Variants in CDH4 observed in about 807,000 individuals in gnomAD.
CDH4 encodes cadherin 4, also known as cadherin-4.
In CDH4, 33 loss-of-function variants were observed where a neutral mutation model predicts 86.0. The ratio of observed to expected loss-of-function variants is 0.38; its 90% CI spans 0.29 to 0.51. CDH4 has a LOEUF of 0.51. Among genes scored for constraint, CDH4 ranks in the 20% least tolerant of loss-of-function variants. The pLI is 0.86. For synonymous variants in CDH4, 555 were observed against 549.4 expected, an observed-to-expected ratio of 1.01 and a Z score of -0.14; for missense variants, 1,114 against 1,307.4, an observed-to-expected ratio of 0.85 and a Z score of 2.28.
chr20:61,727,367 T>C (rs2088128360), intron 2 of CDH4, among the ~76,000 whole-genome samples: 1 of 151,658 alleles, frequency 6.6e-6, no homozygotes, highest in Non-Finnish European at 1.5e-5. Context: ...ACCATCATCA[T>C]CAGTGCCATC....
intron 7 of CDH4, among the ~76,000 whole-genome samples, chr20:61,888,859 A>G (rs1350227853): frequency 1.3e-5 from 2 of 151,804 alleles, no homozygotes; most frequent in Non-Finnish European, 2.9e-5. Context: ...TGGGGAGGTC[A>G]TGGGACTGCC....
chr20:61,846,861 G>A (rs1600707666), intron 5 of CDH4, among the ~76,000 whole-genome samples: 2 of 151,964 alleles, frequency 1.3e-5, no homozygotes, highest in South Asian at 4.2e-4. Flanking sequence ...GGCATCCAAG[G>A]GGCACCAGGA....
chr20:61,589,206 T>A (rs1307959043), intron 2 of CDH4, among the ~76,000 whole-genome samples: 1 of 152,204 alleles, frequency 6.6e-6, no homozygotes. Context: ...CAAATAGGCT[T>A]CCCAGAGTGA....
intron 2 of CDH4, among the ~76,000 whole-genome samples, chr20:61,521,903 C>T (rs765006923): frequency 3.4e-4 from 52 of 152,168 alleles, no homozygotes; most frequent in Admixed American, 8.5e-4. Context: ...GCAAGCATTG[C>T]GGGCCACCTT....
At chr20:61,664,617 C>T (rs2087302324) in intron 2 of CDH4, among the ~76,000 whole-genome samples, 1 of 152,244 alleles carries the variant, frequency 6.6e-6, no homozygotes, top group Non-Finnish European at 1.5e-5. Flanking sequence ...AAGACCCTCA[C>T]ACGAACACTT....
intron 3 of CDH4, among the ~76,000 whole-genome samples, chr20:61,757,235 C>CA (rs2088576070): frequency 2.1e-5 from 2 of 93,054 alleles, no homozygotes. Flanking sequence ...GAACACAGAC[C>CA]CCCCCCCCAG....
intron 2 of CDH4, among the ~76,000 whole-genome samples, chr20:61,691,865 CCTGT>C (rs1011992638): frequency 2.0e-5 from 3 of 150,508 alleles, no homozygotes; most frequent in Admixed American, 1.3e-4. Context: ...GTATCGCACA[CCTGT>C]CTATGTGTGT....
intron 12 of CDH4, 73 bp from the exon 13 acceptor site, chr20:61,929,536 C>T (rs534659339): frequency 4.2e-6 from 5 of 1,188,024 alleles, no homozygotes; most frequent in Admixed American, 3.5e-5. Flanking sequence ...GACTTTTAGT[C>T]TTTTCCTTTG....
intron 11 of CDH4, among the ~76,000 whole-genome samples, chr20:61,925,569 CCTGCCG>C (rs2055036496): frequency 6.6e-6 from 1 of 152,218 alleles, no homozygotes; most frequent in Non-Finnish European, 1.5e-5. Flanking sequence ...CGGCCGAGTG[CCTGCCG>C]CTGCTCATCA....
intron 2 of CDH4, among the ~76,000 whole-genome samples, chr20:61,707,726 C>T (rs1401553810): frequency 6.6e-6 from 1 of 152,156 alleles, no homozygotes. Context: ...ATAAAACTGT[C>T]CCACCTCGGA....
chr20:61,867,755 T>G (rs1312859528), intron 6 of CDH4, among the ~76,000 whole-genome samples: 1 of 152,084 alleles, frequency 6.6e-6, no homozygotes, highest in African/African-American at 2.4e-5. Flanking sequence ...TTTAAAGCCA[T>G]TACTGTCTTG....
chr20:61,592,025 C>T (rs1380509335), intron 2 of CDH4, among the ~76,000 whole-genome samples: 2 of 152,120 alleles, frequency 1.3e-5, no homozygotes, highest in Non-Finnish European at 2.9e-5. Flanking sequence ...TAGCTATCTG[C>T]CTAACAGTCA....
chr20:61,835,178 G>A (rs1450423035), intron 4 of CDH4, among the ~76,000 whole-genome samples: 1 of 151,764 alleles, frequency 6.6e-6, no homozygotes, highest in African/African-American at 2.4e-5. Context: ...AGCCCCCTGA[G>A]CATCTGGGTC....
intron 2 of CDH4, among the ~76,000 whole-genome samples, chr20:61,735,327 A>G (rs537897958): frequency 6.6e-6 from 1 of 152,316 alleles, no homozygotes; most frequent in Non-Finnish European, 1.5e-5. Context: ...TTTCAGGCAT[A>G]CAATTCAGTG....
At chr20:61,291,831 C>A (rs2084323115) in intron 2 of CDH4, among the ~76,000 whole-genome samples, 1 of 152,124 alleles carries the variant, frequency 6.6e-6, no homozygotes, top group South Asian at 2.1e-4. Context: ...TTATACATAT[C>A]ATTTCATCTC....
At chr20:61,305,702 C>T (rs2084413118) in intron 2 of CDH4, among the ~76,000 whole-genome samples, 1 of 152,214 alleles carries the variant, frequency 6.6e-6, no homozygotes, top group Non-Finnish European at 1.5e-5. Flanking sequence ...CTCACGTGCA[C>T]CTAAGTGGCT....
At chr20:61,589,435 A>C (rs1055350585) in intron 2 of CDH4, among the ~76,000 whole-genome samples, 4 of 152,158 alleles carry the variant, frequency 2.6e-5, no homozygotes, top group Admixed American at 6.5e-5. Context: ...ACTCCACTTC[A>C]CTTTGTTTCT....
At chr20:61,565,695 A>T (rs1490513059) in intron 2 of CDH4, among the ~76,000 whole-genome samples, 1 of 152,126 alleles carries the variant, frequency 6.6e-6, no homozygotes, top group African/African-American at 2.4e-5. Flanking sequence ...CTCACCCCTG[A>T]GAACAGAGTA....
intron 2 of CDH4, among the ~76,000 whole-genome samples, chr20:61,743,112 A>G (rs533002161): frequency 6.6e-6 from 1 of 152,296 alleles, no homozygotes; most frequent in South Asian, 2.1e-4. Context: ...CCTTCCTTGT[A>G]CTTAGCCTTC....
Sources: allele counts gnomAD v4.1 joint callset (sites outside exome capture counted in the v4.1 genomes callset), GRCh38; gene constraint gnomAD v4.1.1; transcripts MANE v1.5; gene names NCBI Gene and HGNC (gene_info 2026-07-23, HGNC 2026-07-21).